Variants in LRP1B observed in about 807,000 individuals in gnomAD.
LRP1B encodes the protein low-density lipoprotein receptor-related protein 1B.
Under a neutral mutation model 556.6 loss-of-function variants are expected in LRP1B, and 217 were observed. That is an observed-to-expected ratio of 0.39 (90% CI 0.35 to 0.44). The LOEUF (loss-of-function observed/expected upper bound fraction) is 0.44. LRP1B is among the 20% of genes least tolerant of loss of function. The probability of loss-of-function intolerance (pLI) is 1.00; values close to 1 mark genes in which losing one functional copy is unlikely to be tolerated. For missense variants in LRP1B, 5,053 were observed against 5,620.8 expected, an observed-to-expected ratio of 0.90 and a Z score of 3.23; for synonymous variants, 2,047 against 1,865.8, an observed-to-expected ratio of 1.10 and a Z score of -2.50.
intron 7 of LRP1B, among the ~76,000 whole-genome samples, chr2:141,081,888 TA>T (rs1699931619): frequency 6.6e-6 from 1 of 152,184 alleles, no homozygotes; most frequent in African/African-American, 2.4e-5. Flanking sequence ...ACAATACCTA[TA>T]AACTGAATCT....
chr2:142,124,036 T>G (rs1028825259), intron 1 of LRP1B, among the ~76,000 whole-genome samples: 1 of 144,930 alleles, frequency 6.9e-6, no homozygotes, highest in Admixed American at 6.8e-5. Flanking sequence ...GAAAAACATG[T>G]TTTTTTTAAT....
At position 141,558,223 on chromosome 2, in the gene LRP1B, C is replaced by T. The variant is rs1375800142; in HGVS notation, c.206-77690G>A. Among the ~76,000 whole-genome samples, 4 of 151,812 alleles carry T rather than the reference C, an allele frequency of 2.6e-5. No individual in the cohort carries two copies. The East Asian group carries it at 7.7e-4, about 29-fold the overall frequency. ...CAATAGATGTGAACTAGTAGGTCAC[C>T]AAGGAGACACCTAAACTTAGGGTGT... On this transcript the variant is annotated intron_variant, in intron 2 of 90. Transcript: ENST00000389484.
intron 3 of LRP1B, among the ~76,000 whole-genome samples, chr2:141,396,063 G>T (rs1690228382): frequency 6.6e-6 from 1 of 152,076 alleles, no homozygotes; most frequent in Non-Finnish European, 1.5e-5. Flanking sequence ...TGATTATTTG[G>T]TAAGTTTATA....
At chr2:140,867,544 G>A (rs1692987764) in intron 27 of LRP1B, 46 bp downstream of exon 27, 2 of 1,549,334 alleles carry the variant, frequency 1.3e-6, no homozygotes, top group Admixed American at 3.9e-5. Context: ...TGATTAAGAT[G>A]ATAATACTTT....
chr2:141,311,551 A>T (rs554732462), intron 3 of LRP1B, among the ~76,000 whole-genome samples: 5 of 152,240 alleles, frequency 3.3e-5, no homozygotes, highest in African/African-American at 1.2e-4. Context: ...ATTAGACCTC[A>T]ATTTCATATG....
intron 32 of LRP1B, among the ~76,000 whole-genome samples, chr2:140,809,829 T>C (rs914777187): frequency 3.9e-5 from 6 of 152,164 alleles, no homozygotes; most frequent in Non-Finnish European, 7.3e-5. Context: ...CGTGTACTTC[T>C]TCACTGGGCT....
chr2:141,306,322 T>C (rs746183893), intron 3 of LRP1B, among the ~76,000 whole-genome samples: 3 of 152,068 alleles, frequency 2.0e-5, no homozygotes, highest in Non-Finnish European at 2.9e-5. Context: ...CATTATTGGG[T>C]TCTTCAGGTT....
chr2:140,322,103 G>A lies in LRP1B; in HGVS notation c.12515-15C>T, dbSNP rs1036002199. ...TGGATTGGGTACTGGTGAAACAAAA[G>A]AAAACAAAGAAGTGTGTAAATATAG... On this transcript the variant is annotated splice_polypyrimidine_tract_variant and intron_variant, in intron 81 of 90. Transcript: ENST00000389484. 1 of 1,607,158 alleles carries A rather than the reference G, an allele frequency of 6.2e-7. No individual in the cohort carries two copies. Among genetic ancestry groups the A allele is most frequent in the South Asian group, 1.1e-5 (1 of 90,104 alleles).
At chr2:141,589,178 C>A (rs942768374) in intron 2 of LRP1B, among the ~76,000 whole-genome samples, 6 of 152,100 alleles carry the variant, frequency 3.9e-5, no homozygotes, top group Non-Finnish European at 8.8e-5. Flanking sequence ...AACAACATAA[C>A]AGCTAAAGTT....
chr2:141,774,880 G>A (rs886369065), intron 2 of LRP1B, among the ~76,000 whole-genome samples: 1 of 152,138 alleles, frequency 6.6e-6, no homozygotes, highest in African/African-American at 2.4e-5. Context: ...CAGCCATGGC[G>A]ACTCAAGTAC....
At chr2:141,295,316 T>C (rs942338186) in intron 3 of LRP1B, among the ~76,000 whole-genome samples, 2 of 152,226 alleles carry the variant, frequency 1.3e-5, no homozygotes, top group Non-Finnish European at 1.5e-5. Context: ...GTTTTGGGTT[T>C]ACAAAAGAGA....
intron 3 of LRP1B, among the ~76,000 whole-genome samples, chr2:141,274,686 G>C (rs924584568): frequency 6.6e-6 from 1 of 152,056 alleles, no homozygotes; most frequent in Non-Finnish European, 1.5e-5. Flanking sequence ...TACTTCAGTT[G>C]GGTAAATTGT....
At chr2:141,433,790 A>T (rs1480394615) in intron 3 of LRP1B, among the ~76,000 whole-genome samples, 1 of 151,522 alleles carries the variant, frequency 6.6e-6, no homozygotes, top group Admixed American at 6.6e-5. Context: ...TCTTGGATGT[A>T]TGTTAATGTT....
chr2:140,351,075 A>T (rs767159400), intron 76 of LRP1B, 37 bp from the exon 77 acceptor site: 1 of 1,292,206 alleles, frequency 7.7e-7, no homozygotes, highest in Non-Finnish European at 1.1e-6. Flanking sequence ...AAATAAAGTA[A>T]ATTTCAACTA....
At chr2:141,275,675 T>C (rs1423815404) in intron 3 of LRP1B, among the ~76,000 whole-genome samples, 1 of 152,098 alleles carries the variant, frequency 6.6e-6, no homozygotes, top group Non-Finnish European at 1.5e-5. Context: ...ATTGCGCCAC[T>C]GCACTCTAGG....
chr2:141,395,562 T>G (rs567620297), intron 3 of LRP1B, among the ~76,000 whole-genome samples: 3 of 152,254 alleles, frequency 2.0e-5, no homozygotes, highest in South Asian at 4.1e-4. Context: ...ATACCTGTCT[T>G]TACTTTATAT....
chr2:141,081,901 T>C (rs1525602), intron 7 of LRP1B, among the ~76,000 whole-genome samples: 129,037 of 152,142 alleles, frequency 0.85, 55,072 homozygotes, highest in Non-Finnish European at 0.89. Context: ...ACTGAATCTG[T>C]GGAGAGCTCT....
At chr2:140,674,979 T>C (rs973494554) in intron 41 of LRP1B, among the ~76,000 whole-genome samples, 33 of 152,348 alleles carry the variant, frequency 2.2e-4, no homozygotes, top group African/African-American at 7.9e-4. Context: ...TTCTAGAGAC[T>C]CTGGGAGAGG....
In LRP1B at chr2:140,325,777, C is replaced by CAGAGACTACTGAATT; in HGVS notation, c.12310_12324dup (p.Asn4104_Ser4108dup). On this transcript the variant is annotated inframe_insertion, in exon 80 of 91. Coordinates refer to ENST00000389484, the MANE Select transcript of LRP1B (RefSeq NM_018557.3). ...CTTCACAAACCTTGTTTGCTGCTGA[C>CAGAGACTACTGAATT]AGAGACTACTGAATTAGAGCCATCA... The CAGAGACTACTGAATT allele has an allele frequency of 6.2e-7, 1 of 1,610,994 alleles. No individual in the cohort carries two copies. Among genetic ancestry groups the CAGAGACTACTGAATT allele is most frequent in the Non-Finnish European group, 8.5e-7 (1 of 1,178,212 alleles).
Sources: allele counts gnomAD v4.1 joint callset (sites outside exome capture counted in the v4.1 genomes callset), GRCh38; gene constraint gnomAD v4.1.1; transcripts MANE v1.5; gene names NCBI Gene and HGNC (gene_info 2026-07-23, HGNC 2026-07-21).